Variants in OR4D10 observed in about 807,000 individuals in gnomAD.
The protein encoded by OR4D10 is olfactory receptor 4D10.
For synonymous variants in OR4D10, 188 were observed against 153.2 expected (o/e 1.23, Z -1.68); for missense variants, 395 against 378.0 (o/e 1.04, Z -0.37).
chr11:59,474,991 G>A (rs1166346297), intron 2 of OR4D10, among the ~76,000 whole-genome samples: 2 of 140,508 alleles, frequency 1.4e-5, no homozygotes, highest in African/African-American at 5.2e-5. Flanking sequence ...AACCCGGGAG[G>A]CGGAGCTTGC....
Position 59,478,113 on chromosome 11 carries a change from G to A in OR4D10, c.684G>A (p.Gln228=), listed in dbSNP as rs1380746698. 1.9e-6 allele frequency: 3 copies of A among 1,614,070 alleles called. No homozygotes were observed. The highest frequency in any genetic ancestry group is 2.2e-5 in the South Asian group (2 of 91,068). The change falls in exon 3 of 3, where the codon CAG becomes CAA. Residue 228 remains glutamine (Q), a synonymous_variant. Coordinates refer to ENST00000530162, the MANE Select transcript of OR4D10 (RefSeq NM_001004705.2). ...YIVILSLPKS[Q]AGEGRRKAIS... is the part of the protein sequence containing the mutation. The stretch of plus-strand genomic sequence containing the variant: ...TCATATTATCATTACCCAAGTCTCA[G>A]GCAGGAGAGGGCAGGAGGAAAGCCA...
intron 2 of OR4D10, among the ~76,000 whole-genome samples, chr11:59,475,461 C>A (rs1218747294): frequency 6.6e-6 from 1 of 152,170 alleles, no homozygotes; most frequent in East Asian, 1.9e-4. Context: ...AGGAAGGCTT[C>A]CCGCACTAGT....
chr11:59,476,855 T>A (rs1328484286), intron 2 of OR4D10, among the ~76,000 whole-genome samples: 1 of 151,402 alleles, frequency 6.6e-6, no homozygotes, highest in Non-Finnish European at 1.5e-5. Flanking sequence ...GAAAAAAAAA[T>A]CACCTTTCAG....
chr11:59,474,111 C>A (rs10792244), intron 2 of OR4D10, among the ~76,000 whole-genome samples: 1 of 152,102 alleles, frequency 6.6e-6, no homozygotes, highest in Non-Finnish European at 1.5e-5. Flanking sequence ...CTTTCTTCAC[C>A]CAACAAAGAT....
rs541413336 is a variant in OR4D10 at position 59,477,426 on chromosome 11, T to C, written c.-4T>C. 604 of 1,546,880 alleles carry C rather than the reference T, an allele frequency of 3.9e-4. 1 individual carries two copies. Among genetic ancestry groups the C allele is most frequent in the South Asian group, 9.5e-4 (75 of 78,904 alleles). On this transcript the variant is annotated 5_prime_UTR_variant, in exon 3 of 3. Coordinates refer to ENST00000530162, the MANE Select transcript of OR4D10 (RefSeq NM_001004705.2). The stretch of plus-strand genomic sequence containing the variant: ...AAACCAAAGAGAATAAAGAGGATGA[T>C]TGAATGGAGATGGAAAACTGCACCA...
chr11:59,477,497 T>C lies in OR4D10; in HGVS notation c.68T>C (p.Val23Ala). 6.2e-7 allele frequency: 1 copy of C among 1,612,182 alleles called. No homozygotes were observed. The highest frequency in any genetic ancestry group is 8.5e-7 in the Non-Finnish European group (1 of 1,179,138). ...IFLGLTQNREVSLVLFLFLLL... is the reference protein window; with the variant it reads ...IFLGLTQNREASLVLFLFLLL... ...CTTGGCCTGACCCAGAATCGGGAAG[T>C]GAGCTTAGTCTTATTTCTTTTCCTA... is the stretch of plus-strand genomic sequence containing the variant. The change falls in exon 3 of 3, where the codon GTG (valine) becomes GCG (alanine). Residue 23 changes from valine to alanine, a missense_variant. Coordinates refer to ENST00000530162, the MANE Select transcript of OR4D10 (RefSeq NM_001004705.2).
Position 59,478,102 on chromosome 11 carries a change from C to T in OR4D10, c.673C>T (p.Pro225Ser), listed in dbSNP as rs886993497. Reference protein sequence around the residue: ...LVSYIVILSLPKSQAGEGRRK... With the variant: ...LVSYIVILSLSKSQAGEGRRK... ...GTCCTACATAGTCATATTATCATTA[C>T]CCAAGTCTCAGGCAGGAGAGGGCAG... Residue 225 changes from proline to serine, a missense_variant, in exon 3 of 3, where the codon CCC becomes TCC. Coordinates refer to ENST00000530162, the MANE Select transcript of OR4D10 (RefSeq NM_001004705.2). 6 of 1,614,142 alleles carry T rather than the reference C, an allele frequency of 3.7e-6. No homozygotes were observed. In the East Asian group the frequency reaches 6.7e-5, roughly 18 times the overall value.
rs180732549 is a variant in OR4D10 at position 59,474,084 on chromosome 11, C to G, written c.-169+291C>G. ...TGTGTCTTCCATACTGTTTCCATACCTTCCATTTCATACGTTCTTTCTTCA... is the reference window on the plus strand; with the variant it reads ...TGTGTCTTCCATACTGTTTCCATACGTTCCATTTCATACGTTCTTTCTTCA... On this transcript the variant is annotated intron_variant, in intron 2 of 2. Coordinates refer to ENST00000530162, the MANE Select transcript of OR4D10 (RefSeq NM_001004705.2). 3.3e-5 allele frequency among the ~76,000 whole-genome samples: 5 copies of G among 152,288 alleles called. No homozygotes were observed. The East Asian group carries it at 7.7e-4, about 24-fold the overall frequency.
chr11:59,476,791 C>T (rs2134559332), intron 2 of OR4D10, among the ~76,000 whole-genome samples: 1 of 152,188 alleles, frequency 6.6e-6, no homozygotes, highest in South Asian at 2.1e-4. Flanking sequence ...CAATCCAGAG[C>T]TCTCTTCACT....
intron 2 of OR4D10, 67 bp from the exon 3 acceptor site, chr11:59,477,195 C>T: frequency 2.5e-6 from 1 of 401,524 alleles, no homozygotes; most frequent in Non-Finnish European, 4.4e-6. Flanking sequence ...TTTTCTTTCC[C>T]AAAGTAGTTC....
At chr11:59,475,801 A>T (rs1009853964) in intron 2 of OR4D10, among the ~76,000 whole-genome samples, 10 of 152,208 alleles carry the variant, frequency 6.6e-5, no homozygotes, top group Non-Finnish European at 5.9e-5. Context: ...TCTGCAGCAC[A>T]GTCTTATCGG....
chr11:59,478,599 T>C lies in OR4D10; in HGVS notation c.*234T>C. 5.4e-6 allele frequency: 2 copies of C among 372,598 alleles called. No individual in the cohort carries two copies. Among genetic ancestry groups the C allele is most frequent in the Non-Finnish European group, 9.5e-6 (2 of 210,430 alleles). The allele number at this position is 372,598 out of a possible 1,614,324, so 23.1% of individuals were successfully genotyped here. On this transcript the variant is annotated 3_prime_UTR_variant, in exon 3 of 3. Coordinates refer to ENST00000530162, the MANE Select transcript of OR4D10 (RefSeq NM_001004705.2). ...TCTTTACCACCAAGATTTTGTTTCA[T>C]GATTTTTCTTCCATGGACTCCAAGT...
At chr11:59,476,622 T>C (rs1005813353) in intron 2 of OR4D10, among the ~76,000 whole-genome samples, 11 of 152,160 alleles carry the variant, frequency 7.2e-5, no homozygotes, top group African/African-American at 1.2e-4. Context: ...AGGTGAATCT[T>C]TCCCTTGACG....
At position 59,477,778 on chromosome 11, in the gene OR4D10, G is replaced by T. The variant is rs1858925075; in HGVS notation, c.349G>T (p.Val117Leu). 1 of 1,613,956 alleles carries T rather than the reference G, an allele frequency of 6.2e-7. No homozygotes were observed. Among genetic ancestry groups the T allele is most frequent in the Non-Finnish European group, 8.5e-7 (1 of 1,180,006 alleles). The change falls in exon 3 of 3, where the codon GTG (valine) becomes TTG (leucine). Residue 117 changes from valine (V) to leucine (L), a missense_variant. By Grantham distance (32) the Val-to-Leu change is conservative. Coordinates refer to ENST00000530162, the MANE Select transcript of OR4D10 (RefSeq NM_001004705.2). The stretch of plus-strand genomic sequence containing the variant: ...AGGGGTGGATGTATTTTCTCTTTCG[G>T]TGATGGCATTGGATCGATATGTGGC... The part of the protein sequence containing the change: ...IGGVDVFSLS[V>L]MALDRYVAIS...
chr11:59,474,558 G>T (rs1590624356), intron 2 of OR4D10, among the ~76,000 whole-genome samples: 1 of 152,096 alleles, frequency 6.6e-6, no homozygotes, highest in African/African-American at 2.4e-5. Flanking sequence ...ATTGCTGTGT[G>T]ATCCCTCCAC....
chr11:59,474,682 A>T (rs528934723), intron 2 of OR4D10, among the ~76,000 whole-genome samples: 7 of 152,222 alleles, frequency 4.6e-5, no homozygotes, highest in East Asian at 3.9e-4. Flanking sequence ...CTCAAGCAAG[A>T]TCCATAACCT....
rs1246418259 is a variant in OR4D10, at chr11:59,479,124, C to T, written c.*759C>T. 1 of 152,196 alleles carries T rather than the reference C, an allele frequency of 6.6e-6. No individual in the cohort carries two copies. The highest frequency in any genetic ancestry group is 1.5e-5 in the Non-Finnish European group (1 of 68,042). 9.4% of individuals were successfully genotyped at this position (152,196 alleles called of 1,614,324 possible). Reference sequence around the variant, plus strand: ...CTGTGCTTAGGGTTAGCATTGCACTCAGGACTCTATTTTGAAATTTCCTAT... The same window carrying T: ...CTGTGCTTAGGGTTAGCATTGCACTTAGGACTCTATTTTGAAATTTCCTAT... On this transcript the variant is annotated 3_prime_UTR_variant, in exon 3 of 3. Coordinates refer to ENST00000530162, the MANE Select transcript of OR4D10 (RefSeq NM_001004705.2).
rs902131036 is a variant in OR4D10 at position 59,478,613 on chromosome 11, T to C, written c.*248T>C. ...ATTTTGTTTCATGATTTTTCTTCCATGGACTCCAAGTTCTGAAAGTGTTGC... is the reference window on the plus strand; with the variant it reads ...ATTTTGTTTCATGATTTTTCTTCCACGGACTCCAAGTTCTGAAAGTGTTGC... On this transcript the variant is annotated 3_prime_UTR_variant, in exon 3 of 3. Transcript: ENST00000530162. 1.4e-5 allele frequency: 5 copies of C among 354,754 alleles called. No homozygotes were observed. Among genetic ancestry groups the C allele is most frequent in the Admixed American group, 4.2e-5 (1 of 24,090 alleles). 22.0% of individuals were successfully genotyped at this position (354,754 alleles called of 1,614,324 possible). A position where few individuals can be genotyped will look rare whatever the true frequency, so the allele number is the denominator to read the frequency against.
chr11:59,478,417 T>C lies in OR4D10; in HGVS notation c.*52T>C. Reference sequence around the variant, plus strand: ...CCAAAGATATCTTATATTTATTATTTTTCCCATGAAGTCATATTCATATAT... The same window carrying C: ...CCAAAGATATCTTATATTTATTATTCTTCCCATGAAGTCATATTCATATAT... On this transcript the variant is annotated 3_prime_UTR_variant, in exon 3 of 3. Transcript: ENST00000530162. The C allele has an allele frequency of 1.6e-6, 2 of 1,285,034 alleles. No homozygotes were observed. Among genetic ancestry groups the C allele is most frequent in the Non-Finnish European group, 1.0e-6 (1 of 954,636 alleles). The allele number at this position is 1,285,034 out of a possible 1,614,324, so 79.6% of individuals were successfully genotyped here. A position where few individuals can be genotyped will look rare whatever the true frequency, so the allele number is the denominator to read the frequency against.
Sources: allele counts gnomAD v4.1 joint callset (sites outside exome capture counted in the v4.1 genomes callset), GRCh38; gene constraint gnomAD v4.1.1; transcripts MANE v1.5; gene names NCBI Gene and HGNC (gene_info 2026-07-23, HGNC 2026-07-21).